Variants in RIF1 observed in about 807,000 individuals in gnomAD.
RIF1 encodes the protein replication timing regulatory factor 1.
In RIF1, 45 loss-of-function variants were observed where a neutral mutation model predicts 247.1. That is an observed-to-expected ratio of 0.18 (90% CI 0.14 to 0.23). The LOEUF is 0.23. RIF1 is among the 10% of genes least tolerant of loss of function. The probability of loss-of-function intolerance (pLI) is 1.00; values close to 1 mark genes in which losing one functional copy is unlikely to be tolerated. For missense variants in RIF1, 2,967 were observed against 2,862.5 expected, an observed-to-expected ratio of 1.04 and a Z score of -0.83; for synonymous variants, 1,087 against 978.8, an observed-to-expected ratio of 1.11 and a Z score of -2.06.
rs1287846164 is a variant in RIF1 at position 151,475,201 on chromosome 2, A to AAGG, written c.*132_*134dup. ...AAAGTTGATAACATTTCAAACCCTG[A>AAGG]AGGACAGTGACTTATTATGTAAGTT... On this transcript the variant is annotated 3_prime_UTR_variant, in exon 36 of 36. Coordinates refer to ENST00000444746, the MANE Select transcript of RIF1 (RefSeq NM_018151.5). The AAGG allele has an allele frequency of 1.5e-6, 1 of 670,194 alleles. No individual in the cohort carries two copies. The highest frequency in any genetic ancestry group is 1.8e-5 in the African/African-American group (1 of 55,038). 41.5% of individuals were successfully genotyped at this position (670,194 alleles called of 1,614,324 possible).
chr2:151,516,153 T>G, the RIF1 span, among the ~76,000 whole-genome samples: 27 of 152,304 alleles, frequency 1.8e-4, no homozygotes, highest in Non-Finnish European at 2.6e-4. Flanking sequence ...GAGGGAACTT[T>G]TCATTCATAA....
At chr2:151,439,003 C>T (rs1691758115) in intron 14 of RIF1, among the ~76,000 whole-genome samples, 1 of 152,108 alleles carries the variant, frequency 6.6e-6, no homozygotes, top group Non-Finnish European at 1.5e-5. Context: ...AACTTACTAT[C>T]GATTGGAAGC....
the RIF1 span, chr2:151,524,235 C>T: frequency 1.6e-6 from 2 of 1,264,322 alleles, no homozygotes; most frequent in Admixed American, 3.5e-5. Flanking sequence ...CATTTTCAAT[C>T]TGGAAATCAC....
At chr2:151,470,747 T>C (rs1220674208) in intron 34 of RIF1, among the ~76,000 whole-genome samples, 4 of 152,180 alleles carry the variant, frequency 2.6e-5, no homozygotes, top group East Asian at 3.8e-4. Flanking sequence ...CTTGATTTTA[T>C]ATTAACTTAT....
the RIF1 span, among the ~76,000 whole-genome samples, chr2:151,518,102 T>C: frequency 1.3e-5 from 2 of 152,214 alleles, no homozygotes; most frequent in East Asian, 1.9e-4. Flanking sequence ...TTCCAGCCCC[T>C]GCCAGTAGCA....
At chr2:151,474,368 AG>A (rs1244168332) in intron 35 of RIF1, among the ~76,000 whole-genome samples, 1 of 152,158 alleles carries the variant, frequency 6.6e-6, no homozygotes, top group Non-Finnish European at 1.5e-5. Flanking sequence ...ATAATCTATG[AG>A]AATAGCACAG....
intron 8 of RIF1, among the ~76,000 whole-genome samples, chr2:151,425,421 A>C (rs2432951): frequency 0.65 from 98,460 of 151,790 alleles, 32,311 homozygotes; most frequent in East Asian, 0.78. Context: ...TGTTATTGCT[A>C]GTACTTGACA....
chr2:151,451,177 A>G (rs929239153), intron 20 of RIF1, among the ~76,000 whole-genome samples: 3 of 152,210 alleles, frequency 2.0e-5, no homozygotes, highest in Non-Finnish European at 2.9e-5. Flanking sequence ...CTAGTGCTAC[A>G]TATCCTAAGC....
At chr2:151,460,392 A>G (rs906057975) in intron 26 of RIF1, among the ~76,000 whole-genome samples, 2 of 152,210 alleles carry the variant, frequency 1.3e-5, no homozygotes, top group African/African-American at 2.4e-5. Context: ...TTGAGATGGA[A>G]TGAGACTAGT....
intron 20 of RIF1, among the ~76,000 whole-genome samples, chr2:151,446,866 C>G (rs1195040920): frequency 1.3e-5 from 2 of 152,068 alleles, no homozygotes; most frequent in South Asian, 2.1e-4. Context: ...CTCACTTTCT[C>G]ATACGTATCT....
In RIF1 at chr2:151,494,419, A is replaced by G. The variant is rs556986127; in HGVS notation, c.*416-810A>G. 9.8e-5 allele frequency among the ~76,000 whole-genome samples: 15 copies of G among 152,296 alleles called. No homozygotes were observed. The South Asian group carries it at 3.1e-3, about 32-fold the overall frequency. On this transcript the variant is annotated intron_variant and NMD_transcript_variant, in intron 9 of 13. Transcript: ENST00000454583. ...TTTCCTAAGGAAGTTAAGTGTAGTT[A>G]CAGCAAGACACAACCAGGATAGGCA...
chr2:151,504,516 A>G (rs920064204), intron 12 of RIF1, among the ~76,000 whole-genome samples: 1 of 152,252 alleles, frequency 6.6e-6, no homozygotes, highest in African/African-American at 2.4e-5. Flanking sequence ...ACCACAGAGT[A>G]TAAGCAGAGA....
At chr2:151,519,146 G>T in the RIF1 span, 3 of 928,530 alleles carry the variant, frequency 3.2e-6, no homozygotes, top group East Asian at 2.5e-5. Context: ...AAGTGAGATA[G>T]CCCATCGTCA....
Position 151,480,865 on chromosome 2 carries a change from GTT to G in RIF1, c.*5799_*5800del, listed in dbSNP as rs2049138704. The G allele has an allele frequency of 6.6e-6, 1 of 152,164 alleles. No individual in the cohort carries two copies. Among genetic ancestry groups the G allele is most frequent in the African/African-American group, 2.4e-5 (1 of 41,452 alleles). The allele number at this position is 152,164 out of a possible 1,614,324, so 9.4% of individuals were successfully genotyped here. ...GAAGGATGGCAGTCTTAACTCCTAA[GTT>G]TTTTACAGAGCACAGATTGGTAAAC... is the stretch of plus-strand genomic sequence containing the variant. On this transcript the variant is annotated 3_prime_UTR_variant, in exon 36 of 36. Transcript: ENST00000444746.
chr2:151,443,385 GATT>G, intron 17 of RIF1, 56 bp downstream of exon 17: 1 of 1,326,768 alleles, frequency 7.5e-7, no homozygotes, highest in Non-Finnish European at 1.1e-6. Context: ...TAATGAATGA[GATT>G]ATTTATGTAC....
intron 1 of RIF1, 32 bp from the exon 2 acceptor site, chr2:151,410,382 T>A: frequency 6.4e-7 from 1 of 1,571,558 alleles, no homozygotes; most frequent in Non-Finnish European, 8.7e-7. Context: ...CATCGGTCAC[T>A]GGATTTTCTC....
intron 10 of RIF1, chr2:151,497,414 C>T (rs1274234561): frequency 1.0e-6 from 1 of 976,228 alleles, no homozygotes; most frequent in Non-Finnish European, 1.2e-6. Context: ...TTGAAAATAC[C>T]AGATGAAATA....
In RIF1 at chr2:151,443,699, T is replaced by C; in HGVS notation, c.1976T>C (p.Leu659Ser). Reference protein sequence around the residue: ...WSVIVTPLTELINQTNEVNQG... With the variant: ...WSVIVTPLTESINQTNEVNQG... ...GTTATAGTCACCCCATTAACTGAATTGATTAATCAGGTATGAAATAAATCT... is the reference window on the plus strand; with the variant it reads ...GTTATAGTCACCCCATTAACTGAATCGATTAATCAGGTATGAAATAAATCT... Residue 659 changes from leucine to serine, a missense_variant, in exon 18 of 36, where the codon TTG becomes TCG. Around this residue, in one of 7 missense-constraint regions of RIF1, gnomAD observed 76 missense variants for 113.3 expected, o/e 0.67. Coordinates refer to ENST00000444746, the MANE Select transcript of RIF1 (RefSeq NM_018151.5). The C allele has an allele frequency of 6.4e-7, 1 of 1,564,360 alleles. No individual in the cohort carries two copies. Among genetic ancestry groups the C allele is most frequent in the Middle Eastern group, 1.8e-4 (1 of 5,706 alleles).
intron 15 of RIF1, 65 bp from the exon 16 acceptor site, chr2:151,441,840 A>C (rs1692346043): frequency 1.4e-6 from 1 of 704,712 alleles, no homozygotes; most frequent in Non-Finnish European, 2.5e-6. Context: ...TATAGTTAAC[A>C]CTCAGATTTT....
Sources: gnomAD v4.1 joint callset for allele counts (sites outside exome capture counted in the v4.1 genomes callset) on GRCh38, gnomAD v4.1.1 for gene constraint, gnomAD v4.1.1 regional missense constraint, MANE v1.5 for transcripts, NCBI Gene and HGNC (gene_info 2026-07-23, HGNC 2026-07-21) for gene names.